NEBL: variants seen among roughly 807,000 people sequenced by gnomAD.
NEBL encodes nebulette.
In NEBL, 122 loss-of-function variants were observed where a neutral mutation model predicts 140.2. The ratio of observed to expected loss-of-function variants is 0.87; its 90% confidence interval spans 0.75 to 1.01. The LOEUF (loss-of-function observed/expected upper bound fraction) is 1.01, where lower values mean the gene tolerates loss of function less well. NEBL is among the 50% of genes least tolerant of loss of function. NEBL has a pLI of 0.00. For missense variants in NEBL, 1,365 were observed against 1,231.3 expected, an observed-to-expected ratio of 1.11 and a Z score of -1.62; for synonymous variants, 436 against 398.9, an observed-to-expected ratio of 1.09 and a Z score of -1.11.
intron 4 of NEBL, among the ~76,000 whole-genome samples, chr10:20,882,466 G>C (rs556141905): frequency 6.6e-6 from 1 of 152,200 alleles, no homozygotes; most frequent in African/African-American, 2.4e-5. Context: ...AATTTAAGGA[G>C]AAAGTTTTTA....
chr10:21,253,706 G>A (rs1336317213), intron 1 of NEBL, among the ~76,000 whole-genome samples: 5 of 151,922 alleles, frequency 3.3e-5, no homozygotes, highest in Admixed American at 2.6e-4. Flanking sequence ...ACCATGCCTG[G>A]CTAATTTTTC....
At chr10:21,119,739 C>A (rs1370345315) in intron 2 of NEBL, among the ~76,000 whole-genome samples, 1 of 151,988 alleles carries the variant, frequency 6.6e-6, no homozygotes, top group African/African-American at 2.4e-5. Context: ...ACCATTGATA[C>A]AATATCATTA....
chr10:20,915,812 A>T (rs1490963436), intron 4 of NEBL, among the ~76,000 whole-genome samples: 1 of 152,180 alleles, frequency 6.6e-6, no homozygotes, highest in Non-Finnish European at 1.5e-5. Context: ...CTAGTTCTAG[A>T]TCCCTGAGGA....
At chr10:20,814,080 A>G (rs768279371) in intron 22 of NEBL, 37 bp from the exon 23 acceptor site, 24 of 1,224,136 alleles carry the variant, frequency 2.0e-5, no homozygotes, top group Non-Finnish European at 2.7e-5. Flanking sequence ...CAATGATAAG[A>G]AAACACATGA....
At chr10:21,022,308 C>A (rs1206833301) in intron 2 of NEBL, among the ~76,000 whole-genome samples, 1 of 152,162 alleles carries the variant, frequency 6.6e-6, no homozygotes, top group Non-Finnish European at 1.5e-5. Flanking sequence ...ACTCGACTCT[C>A]CTGGTAAAAG....
In NEBL at chr10:21,173,899, C is replaced by T; in HGVS notation, c.-66G>A. The T allele has an allele frequency of 6.3e-7, 1 of 1,579,256 alleles. No homozygotes were observed. Among genetic ancestry groups the T allele is most frequent in the Non-Finnish European group, 8.6e-7 (1 of 1,168,442 alleles). On this transcript the variant is annotated 5_prime_UTR_variant, in exon 1 of 7. Coordinates refer to the NEBL transcript ENST00000417816. This position sits in a 1 kb window ranked among gnomAD's most constrained non-coding sequence, Gnocchi z 5.7. ...CTCCCAGGAGCCGCTGTGACATCCC[C>T]CGGCGAGCCCCGCACCGCCTCCTGG...
intron 2 of NEBL, chr10:21,029,108 C>A: frequency 8.1e-7 from 1 of 1,241,786 alleles, no homozygotes. Flanking sequence ...GTTTCCAAAC[C>A]AGTCAGCTGG....
At chr10:21,208,126 T>C (rs551197713) in intron 3 of NEBL, among the ~76,000 whole-genome samples, 1 of 152,112 alleles carries the variant, frequency 6.6e-6, no homozygotes, top group Non-Finnish European at 1.5e-5. Context: ...GCTGGGGTTT[T>C]TAAGAAGATT....
In NEBL at chr10:21,013,969, A is replaced by G. The variant is rs75789887; in HGVS notation, c.249+6148T>C. Among the ~76,000 whole-genome samples, 61 of 152,248 alleles carry G rather than the reference A, an allele frequency of 4.0e-4. 2 individuals are homozygous for G. In the East Asian group the frequency reaches 0.011, roughly 27 times the overall value. ...TTGGAAATGGGATCCGGAGCTGAGC[A>G]GGATACAGCAGACTGTTCTAAGATT... On this transcript the variant is annotated intron_variant, in intron 3 of 6. Transcript: ENST00000417816.
intron 3 of NEBL, among the ~76,000 whole-genome samples, chr10:21,185,645 T>TGC (rs1029425197): frequency 6.6e-6 from 1 of 151,772 alleles, no homozygotes; most frequent in Admixed American, 6.6e-5. Flanking sequence ...ATTACAGGCA[T>TGC]GCCACCACAC....
chr10:21,025,533 G>A (rs1838990040), intron 2 of NEBL, among the ~76,000 whole-genome samples: 1 of 152,142 alleles, frequency 6.6e-6, no homozygotes, highest in Non-Finnish European at 1.5e-5. Flanking sequence ...AAAGTTATAT[G>A]CAAATCACTA....
chr10:20,943,630 A>G (rs1835010788), intron 4 of NEBL, among the ~76,000 whole-genome samples: 1 of 152,214 alleles, frequency 6.6e-6, no homozygotes, highest in Non-Finnish European at 1.5e-5. Flanking sequence ...AATTTATCAC[A>G]TAATCCATAT....
At chr10:20,888,064 A>G (rs1846682699) in intron 4 of NEBL, 33 bp downstream of exon 4, 1 of 1,422,958 alleles carries the variant, frequency 7.0e-7, no homozygotes, top group African/African-American at 1.4e-5. Flanking sequence ...TGTTTTATCT[A>G]CAAAATCATG....
At chr10:20,913,657 A>G (rs1848421559) in intron 4 of NEBL, among the ~76,000 whole-genome samples, 1 of 152,206 alleles carries the variant, frequency 6.6e-6, no homozygotes, top group African/African-American at 2.4e-5. Context: ...TTCCAGCATC[A>G]GATGGTATAT....
intron 9 of NEBL, among the ~76,000 whole-genome samples, chr10:20,857,465 T>G (rs1843195107): frequency 6.6e-6 from 1 of 152,146 alleles, no homozygotes; most frequent in South Asian, 2.1e-4. Flanking sequence ...TATGATTAAT[T>G]TTGAGCAAGT....
At chr10:21,178,584 G>T (rs1305869586), upstream of NEBL, among the ~76,000 whole-genome samples, 1 of 152,164 alleles carries the variant, frequency 6.6e-6, no homozygotes, top group Admixed American at 6.5e-5. Flanking sequence ...TGAAGGGTTT[G>T]GGTGTTTACT....
chr10:21,122,324 C>T (rs1838618798), intron 2 of NEBL, among the ~76,000 whole-genome samples: 1 of 152,022 alleles, frequency 6.6e-6, no homozygotes, highest in African/African-American at 2.4e-5. Flanking sequence ...CCACGCCCAG[C>T]CGGGATCTCT....
intron 2 of NEBL, among the ~76,000 whole-genome samples, chr10:21,166,249 AAGAAAAAAAAAT>A (rs1476663962): frequency 0.015 from 1,432 of 98,644 alleles, 105 homozygotes; most frequent in East Asian, 0.033. Context: ...AAAAAAAGAA[AAGAAAAAAAAAT>A]TTTCTACATC....
chr10:20,795,344 G>A (rs909064721), intron 26 of NEBL, among the ~76,000 whole-genome samples: 1 of 152,158 alleles, frequency 6.6e-6, no homozygotes, highest in African/African-American at 2.4e-5. Flanking sequence ...GTGTGTATAT[G>A]TGTGGTAAAC....
Sources: allele counts gnomAD v4.1 joint callset (sites outside exome capture counted in the v4.1 genomes callset), GRCh38; gene constraint gnomAD v4.1.1; non-coding constraint Gnocchi (gnomAD v3.1); transcripts MANE v1.5; gene names NCBI Gene and HGNC (gene_info 2026-07-23, HGNC 2026-07-21).